CD2: variants seen among roughly 807,000 people sequenced by gnomAD.
CD2 encodes T-cell surface antigen CD2.
In CD2, 18 loss-of-function variants were observed where a neutral mutation model predicts 23.2. The observed-to-expected ratio is 0.77, with a 90% CI of 0.54 to 1.15. The LOEUF is 1.15. CD2 is among the 50% of genes most tolerant of loss of function. The probability of loss-of-function intolerance (pLI) is 0.00; values close to 1 mark genes in which losing one functional copy is unlikely to be tolerated. For synonymous variants in CD2, 162 were observed against 151.9 expected, an observed-to-expected ratio of 1.07 and a Z score of -0.49; for missense variants, 424 against 423.1, an observed-to-expected ratio of 1.00 and a Z score of -0.02.
intron 4 of CD2, among the ~76,000 whole-genome samples, chr1:116,767,440 T>C (rs1652248620): frequency 1.3e-5 from 2 of 151,706 alleles, no homozygotes; most frequent in South Asian, 2.1e-4. Flanking sequence ...AAAAATACAA[T>C]ATTAGCCGGG....
Position 116,754,803 on chromosome 1 carries a change from C to T in CD2, c.234C>T (p.Phe78=), listed in dbSNP as rs777192186. 6.2e-7 allele frequency: 1 copy of T among 1,612,388 alleles called. No individual in the cohort carries two copies. The highest frequency in any genetic ancestry group is 8.5e-7 in the Non-Finnish European group (1 of 1,179,512). Residue 78 remains phenylalanine (F), a synonymous_variant, in exon 2 of 5, where the codon TTC becomes TTT. Transcript: ENST00000369478. ...AATTCAGAAAAGAGAAAGAGACTTT[C>T]AAGGAAAAAGATACATATAAGCTAT... ...IAQFRKEKET[F]KEKDTYKLFK...
chr1:116,758,578 G>A (rs1401478548), intron 2 of CD2, among the ~76,000 whole-genome samples: 1 of 152,116 alleles, frequency 6.6e-6, no homozygotes, highest in East Asian at 1.9e-4. Context: ...TAGTGGGGTT[G>A]AGCATGGCGC....
chr1:116,763,718 C>G (rs1213736185), intron 3 of CD2, among the ~76,000 whole-genome samples: 1 of 152,188 alleles, frequency 6.6e-6, no homozygotes, highest in Non-Finnish European at 1.5e-5. Flanking sequence ...CTCCAAAGTT[C>G]ACACAGCTCC....
At chr1:116,759,435 A>G (rs1053756383) in intron 2 of CD2, among the ~76,000 whole-genome samples, 3 of 152,140 alleles carry the variant, frequency 2.0e-5, no homozygotes, top group Non-Finnish European at 2.9e-5. Context: ...TGAGAAAAAA[A>G]AAAAACAGAA....
At chr1:116,755,598 T>G (rs913956398) in intron 2 of CD2, among the ~76,000 whole-genome samples, 2 of 152,186 alleles carry the variant, frequency 1.3e-5, no homozygotes, top group Non-Finnish European at 2.9e-5. Flanking sequence ...GTTAGAAAGC[T>G]GCTGCTGTAA....
In CD2 at chr1:116,759,669, G is replaced by A. The variant is rs75474033; in HGVS notation, c.383-733G>A. Among the ~76,000 whole-genome samples the A allele has an allele frequency of 4.8e-3, 730 of 152,312 alleles. 5 individuals are homozygous for A. Among genetic ancestry groups the A allele is most frequent in the African/African-American group, 0.017 (686 of 41,564 alleles). ...CATGTTGCTCCTTTTGTGACAGGTA[G>A]GGTATGTTTTTCTGATCCTTTTCTG... On this transcript the variant is annotated intron_variant, in intron 2 of 4. Transcript: ENST00000369478.
chr1:116,762,595 G>C (rs549436870), intron 3 of CD2, among the ~76,000 whole-genome samples: 5 of 152,312 alleles, frequency 3.3e-5, no homozygotes, highest in African/African-American at 1.2e-4. Flanking sequence ...ATTTGGCTCA[G>C]ATTAGGTGAG....
intron 2 of CD2, among the ~76,000 whole-genome samples, chr1:116,757,107 C>T (rs917522711): frequency 6.6e-6 from 1 of 151,758 alleles, no homozygotes; most frequent in South Asian, 2.1e-4. Context: ...AGCGATTCTC[C>T]TGCCTCAGCC....
chr1:116,767,815 C>T (rs978701988), intron 4 of CD2, among the ~76,000 whole-genome samples: 9 of 152,028 alleles, frequency 5.9e-5, no homozygotes, highest in African/African-American at 2.2e-4. Flanking sequence ...AACTACATTA[C>T]GAGTAGCTGT....
intron 3 of CD2, among the ~76,000 whole-genome samples, chr1:116,762,694 G>A (rs1426437128): frequency 6.6e-6 from 1 of 152,188 alleles, no homozygotes; most frequent in Non-Finnish European, 1.5e-5. Flanking sequence ...ATGGGCATGT[G>A]ATCTCCAAGA....
chr1:116,757,065 C>T (rs1651875284), intron 2 of CD2, among the ~76,000 whole-genome samples: 2 of 150,874 alleles, frequency 1.3e-5, no homozygotes, highest in Admixed American at 1.3e-4. Context: ...GGCATGATCT[C>T]AGCTCACTGC....
At chr1:116,759,874 G>T (rs1440521554) in intron 2 of CD2, among the ~76,000 whole-genome samples, 1 of 152,168 alleles carries the variant, frequency 6.6e-6, no homozygotes, top group Non-Finnish European at 1.5e-5. Context: ...AACTTGGTGG[G>T]GGCAGAGGTA....
intron 3 of CD2, among the ~76,000 whole-genome samples, chr1:116,762,600 G>A (rs1160048249): frequency 6.6e-6 from 1 of 152,146 alleles, no homozygotes; most frequent in Non-Finnish European, 1.5e-5. Flanking sequence ...GCTCAGATTA[G>A]GTGAGTGTTT....
At chr1:116,765,899 G>C (rs1356160684) in intron 4 of CD2, among the ~76,000 whole-genome samples, 1 of 152,254 alleles carries the variant, frequency 6.6e-6, no homozygotes, top group East Asian at 1.9e-4. Context: ...ATGTCTATTA[G>C]TGCATCCAGC....
intron 4 of CD2, among the ~76,000 whole-genome samples, chr1:116,768,173 G>T (rs138945718): frequency 3.3e-5 from 5 of 152,286 alleles, no homozygotes; most frequent in Non-Finnish European, 7.4e-5. Context: ...TAGGGTTCCA[G>T]GTCTGCGTGC....
In CD2 at chr1:116,768,871, C is replaced by A; in HGVS notation, c.*88C>A. The A allele has an allele frequency of 7.6e-7, 1 of 1,321,678 alleles. No homozygotes were observed. The highest frequency in any genetic ancestry group is 1.0e-6 in the Non-Finnish European group (1 of 957,188). The allele number at this position is 1,321,678 out of a possible 1,614,324, so 81.9% of individuals were successfully genotyped here. Reference sequence around the variant, plus strand: ...TATCCGTACTTCCATGAGGTGTTTTCTGTGTGCAGAACATTGTCACCTCCT... The same window carrying A: ...TATCCGTACTTCCATGAGGTGTTTTATGTGTGCAGAACATTGTCACCTCCT... On this transcript the variant is annotated 3_prime_UTR_variant, in exon 5 of 5. Transcript: ENST00000369478.
chr1:116,764,080 G>C (rs1198641673), intron 3 of CD2, among the ~76,000 whole-genome samples: 1 of 151,878 alleles, frequency 6.6e-6, no homozygotes, highest in Non-Finnish European at 1.5e-5. Context: ...AAATGCTCAG[G>C]AACAGATATT....
intron 2 of CD2, among the ~76,000 whole-genome samples, chr1:116,759,418 T>C (rs1396686390): frequency 2.2e-5 from 3 of 136,918 alleles, no homozygotes; most frequent in African/African-American, 8.4e-5. Flanking sequence ...GGGAACAAAG[T>C]AAAGAATGAG....
At position 116,762,258 on chromosome 1, in the gene CD2, G is replaced by A. The variant is rs963617422; in HGVS notation, c.613+1626G>A. Among the ~76,000 whole-genome samples, 5 of 152,198 alleles carry A rather than the reference G, an allele frequency of 3.3e-5. No homozygotes were observed. In the South Asian group the frequency reaches 1.0e-3, roughly 32 times the overall value. On this transcript the variant is annotated intron_variant, in intron 3 of 4. Transcript: ENST00000369478. Reference sequence around the variant, plus strand: ...GTTTATCTGAAATTCAAATTTAACTGGGTGTTTTGCATTATATCTGGCAAC... The same window carrying A: ...GTTTATCTGAAATTCAAATTTAACTAGGTGTTTTGCATTATATCTGGCAAC...
Sources: allele counts gnomAD v4.1 joint callset (sites outside exome capture counted in the v4.1 genomes callset), GRCh38; gene constraint gnomAD v4.1.1; transcripts MANE v1.5; gene names NCBI Gene and HGNC (gene_info 2026-07-23, HGNC 2026-07-21).